SLC25A31: variants seen among roughly 807,000 people sequenced by gnomAD.
The protein encoded by SLC25A31 is solute carrier family 25 member 31.
Under a neutral mutation model 36.2 loss-of-function variants are expected in SLC25A31, and 40 were observed. The observed-to-expected ratio is 1.10, with a 90% CI of 0.86 to 1.44. The LOEUF (loss-of-function observed/expected upper bound fraction) is 1.44, where lower values mean the gene tolerates loss of function less well. Ranked by LOEUF, SLC25A31 falls within the 40% of genes most tolerant of loss-of-function variation. The pLI, the probability that SLC25A31 is intolerant of heterozygous loss-of-function variation, is 0.00. For missense variants in SLC25A31, 350 were observed against 397.1 expected (o/e 0.88, Z 1.01); for synonymous variants, 143 against 149.7 (o/e 0.96, Z 0.32).
At chr4:127,746,822 G>A (rs530301991) in intron 2 of SLC25A31, among the ~76,000 whole-genome samples, 2 of 152,186 alleles carry the variant, frequency 1.3e-5, no homozygotes, top group South Asian at 4.2e-4. Flanking sequence ...ATTGCTTTTG[G>A]TGTCTTTTTC....
chr4:127,740,477 A>T (rs1321154029), intron 1 of SLC25A31, among the ~76,000 whole-genome samples: 1 of 152,222 alleles, frequency 6.6e-6, no homozygotes, highest in Non-Finnish European at 1.5e-5. Flanking sequence ...TAGCATGTAC[A>T]GCTGAGTCAA....
At chr4:127,757,586 T>C (rs1732054000) in intron 2 of SLC25A31, among the ~76,000 whole-genome samples, 1 of 152,238 alleles carries the variant, frequency 6.6e-6, no homozygotes, top group African/African-American at 2.4e-5. Context: ...TGATTCGTGC[T>C]AAGATAAACA....
At chr4:127,753,107 A>G (rs989682982) in intron 2 of SLC25A31, among the ~76,000 whole-genome samples, 17 of 152,190 alleles carry the variant, frequency 1.1e-4, no homozygotes, top group African/African-American at 3.9e-4. Flanking sequence ...CTGAACAACC[A>G]GTGGATCAAA....
intron 1 of SLC25A31, among the ~76,000 whole-genome samples, chr4:127,736,875 G>A (rs1731642860): frequency 6.6e-6 from 1 of 152,200 alleles, no homozygotes; most frequent in Non-Finnish European, 1.5e-5. Flanking sequence ...AATAATTTGG[G>A]ATAAACTTGC....
At chr4:127,744,858 A>G (rs1731797197) in intron 2 of SLC25A31, 59 bp downstream of exon 2, 3 of 1,243,464 alleles carry the variant, frequency 2.4e-6, no homozygotes, top group South Asian at 3.7e-5. Flanking sequence ...ATCCAATATA[A>G]ATTTCCCATC....
At chr4:127,764,184 G>A (rs1317216554) in intron 2 of SLC25A31, 59 bp from the exon 3 acceptor site, 4 of 1,373,818 alleles carry the variant, frequency 2.9e-6, no homozygotes, top group African/African-American at 2.9e-5. Flanking sequence ...AATTTACCAG[G>A]TATTTTAAAC....
intron 2 of SLC25A31, among the ~76,000 whole-genome samples, chr4:127,745,607 C>G (rs745576618): frequency 6.6e-6 from 1 of 152,070 alleles, no homozygotes; most frequent in Non-Finnish European, 1.5e-5. Flanking sequence ...TTGTTGCTGC[C>G]TCCTTAAATT....
At position 127,736,014 on chromosome 4, in the gene SLC25A31, C is replaced by T. The variant is rs951003555; in HGVS notation, c.232+5237C>T. Among the ~76,000 whole-genome samples, 337 of 150,134 alleles carry T rather than the reference C, an allele frequency of 2.2e-3. 1 individual carries two copies. Among genetic ancestry groups the T allele is most frequent in the African/African-American group, 6.6e-3 (273 of 41,118 alleles). ...ACGCCATTCTCCTGCCTCAGCCTCC[C>T]GAGTAGCTGGGACTACAGGCGCCCG... On this transcript the variant is annotated intron_variant, in intron 1 of 5. Transcript: ENST00000281154.
At chr4:127,735,582 T>C (rs903890892) in intron 1 of SLC25A31, among the ~76,000 whole-genome samples, 1 of 152,166 alleles carries the variant, frequency 6.6e-6, no homozygotes, top group Non-Finnish European at 1.5e-5. Flanking sequence ...CTGTCCCCAG[T>C]AGGCACAAAA....
intron 2 of SLC25A31, 148 bp from the exon 3 acceptor site, chr4:127,764,095 G>T: frequency 1.6e-6 from 1 of 628,268 alleles, no homozygotes; most frequent in East Asian, 2.8e-5. Context: ...ATTTTGGATA[G>T]CATGGTATGC....
chr4:127,751,289 C>A (rs1197857794), intron 2 of SLC25A31, among the ~76,000 whole-genome samples: 1 of 152,206 alleles, frequency 6.6e-6, no homozygotes, highest in Non-Finnish European at 1.5e-5. Flanking sequence ...ACCATCTGAT[C>A]TTTAACAAAC....
rs1578651132 is a variant in SLC25A31 at position 127,730,458 on chromosome 4, A to AGCGGTTTT, written c.-87_-80dup. On this transcript the variant is annotated 5_prime_UTR_variant, in exon 1 of 6. It introduces an in-frame stop codon into an upstream open reading frame of the 5' UTR. Transcript: ENST00000281154. ...CACTTTCTCGCCAGTACGATGCTGCAGCGGTTTTCCGGTTTTCCGCTTCCC... is the reference window on the plus strand; with the variant it reads ...CACTTTCTCGCCAGTACGATGCTGCAGCGGTTTTGCGGTTTTCCGGTTTTCCGCTTCCC... 1 of 1,355,016 alleles carries AGCGGTTTT rather than the reference A, an allele frequency of 7.4e-7. No individual in the cohort carries two copies. 83.9% of individuals were successfully genotyped at this position (1,355,016 alleles called of 1,614,324 possible).
intron 1 of SLC25A31, among the ~76,000 whole-genome samples, chr4:127,736,254 A>G (rs1316618715): frequency 2.0e-5 from 3 of 152,034 alleles, no homozygotes; most frequent in Non-Finnish European, 4.4e-5. Context: ...TTCAATTCTT[A>G]TTTATTTGTT....
intron 1 of SLC25A31, among the ~76,000 whole-genome samples, chr4:127,734,250 G>T (rs1313425709): frequency 6.6e-6 from 1 of 152,088 alleles, no homozygotes; most frequent in Non-Finnish European, 1.5e-5. Context: ...TTAGTATATT[G>T]TAAATGTAGC....
chr4:127,768,962 G>A, intron 5 of SLC25A31, 85 bp downstream of exon 5: 1 of 1,258,812 alleles, frequency 7.9e-7, no homozygotes. Context: ...AGAAATGTTG[G>A]CTGAAAGGCA....
intron 5 of SLC25A31, among the ~76,000 whole-genome samples, chr4:127,770,655 C>T (rs149429724): frequency 1.3e-5 from 2 of 151,214 alleles, no homozygotes; most frequent in South Asian, 2.1e-4. Context: ...AATATGCACT[C>T]GAGTGTTTAA....
chr4:127,766,895 ACTTGAAAT>A (rs1732254608), intron 3 of SLC25A31, among the ~76,000 whole-genome samples, 163 bp from the exon 4 acceptor site: 1 of 152,216 alleles, frequency 6.6e-6, no homozygotes, highest in Non-Finnish European at 1.5e-5. Context: ...TTGAGATAGT[ACTTGAAAT>A]CTTGATTATC....
intron 2 of SLC25A31, among the ~76,000 whole-genome samples, chr4:127,753,894 A>G (rs186590840): frequency 6.6e-6 from 1 of 152,286 alleles, no homozygotes; most frequent in Admixed American, 6.5e-5. Context: ...TCCCTAGTGA[A>G]CAAACATGCA....
At chr4:127,731,484 CTT>C (rs1345600269) in intron 1 of SLC25A31, among the ~76,000 whole-genome samples, 8 of 152,122 alleles carry the variant, frequency 5.3e-5, no homozygotes, top group Admixed American at 5.2e-4. Flanking sequence ...GGGCGGATCA[CTT>C]GAGCTCGAGC....
Sources: gnomAD v4.1 joint callset for allele counts (sites outside exome capture counted in the v4.1 genomes callset) on GRCh38, gnomAD v4.1.1 for gene constraint, MANE v1.5 for transcripts, NCBI Gene and HGNC (gene_info 2026-07-23, HGNC 2026-07-21) for gene names.